The following DHTKD1 variants were observed in gnomAD, a reference collection of about 807,000 sequenced individuals.
The protein encoded by DHTKD1 is 2-oxoadipate dehydrogenase complex component E1.
A neutral mutation model predicts 101.8 loss-of-function variants in DHTKD1; 78 were observed. The observed-to-expected ratio is 0.77, with a 90% CI of 0.64 to 0.93. DHTKD1 has a LOEUF of 0.93. DHTKD1 is among the 40% of genes least tolerant of loss of function. DHTKD1 has a pLI of 0.00. For missense variants in DHTKD1, 1,223 were observed against 1,161.7 expected, an observed-to-expected ratio of 1.05 and a Z score of -0.77; for synonymous variants, 462 against 450.3, an observed-to-expected ratio of 1.03 and a Z score of -0.33.
At position 12,107,217 on chromosome 10, in the gene DHTKD1, A is replaced by C. The variant is rs1833263776; in HGVS notation, c.2048-692A>C. On this transcript the variant is annotated intron_variant, in intron 11 of 16. Coordinates refer to ENST00000263035, the MANE Select transcript of DHTKD1 (RefSeq NM_018706.7). This position sits in a 1 kb window ranked among gnomAD's most constrained non-coding sequence, Gnocchi z 4.1. ...CAGCCGGGATGGTCTCGTTCTCCTG[A>C]CCTCATGATCCACCCACCTCAGCCT... Among the ~76,000 whole-genome samples the C allele has an allele frequency of 6.6e-6, 1 of 151,210 alleles. No homozygotes were observed. The highest frequency in any genetic ancestry group is 1.5e-5 in the Non-Finnish European group (1 of 67,838).
intron 15 of DHTKD1, among the ~76,000 whole-genome samples, chr10:12,119,627 A>AT (rs1316885207): frequency 6.6e-6 from 1 of 151,648 alleles, no homozygotes; most frequent in East Asian, 1.9e-4. Context: ...AAAAAAAAAA[A>AT]AAAAAAAAGA....
intron 1 of DHTKD1, among the ~76,000 whole-genome samples, chr10:12,079,134 G>T (rs72779604): frequency 0.079 from 12,002 of 152,138 alleles, 614 homozygotes; most frequent in Non-Finnish European, 0.12. Context: ...TCTCACCCAG[G>T]CTAGAGTGCA....
intron 13 of DHTKD1, among the ~76,000 whole-genome samples, chr10:12,113,691 C>G (rs972099149): frequency 4.6e-5 from 7 of 152,050 alleles, no homozygotes; most frequent in Middle Eastern, 3.2e-3. Flanking sequence ...TTTGGGAGGC[C>G]TAGGCAAGAG....
intron 1 of DHTKD1, among the ~76,000 whole-genome samples, chr10:12,074,158 A>G (rs941867628): frequency 6.7e-6 from 1 of 149,766 alleles, no homozygotes; most frequent in Non-Finnish European, 1.5e-5. Context: ...TTCTGCAGTA[A>G]TAGAAAGTTT....
chr10:12,070,378 C>T (rs375374844), intron 1 of DHTKD1, among the ~76,000 whole-genome samples: 5 of 152,194 alleles, frequency 3.3e-5, no homozygotes, highest in Non-Finnish European at 7.3e-5. Flanking sequence ...AGATCCCCTT[C>T]GGCATCTGGG....
rs778888132 is a variant in DHTKD1, at chr10:12,081,512, G to T, written c.195G>T (p.Glu65Asp). Reference sequence around the variant, plus strand: ...CCAGGTTGGTGACAGTATATTGTGAGCATGGTCATAAAGCTGCCAAAATCA... The same window carrying T: ...CCAGGTTGGTGACAGTATATTGTGATCATGGTCATAAAGCTGCCAAAATCA... ...GLARLVTVYC[E>D]HGHKAAKINP... is the part of the protein sequence containing the mutation. Residue 65 changes from glutamate to aspartate, a missense_variant, in exon 2 of 17, where the codon GAG becomes GAT. Glu to Asp is a conservative substitution (Grantham distance 45). Transcript: ENST00000263035. 9 of 1,613,968 alleles carry T rather than the reference G, an allele frequency of 5.6e-6. No individual in the cohort carries two copies. In the East Asian group the frequency reaches 2.0e-4, roughly 36 times the overall value.
At chr10:12,076,720 G>A (rs183329333) in intron 1 of DHTKD1, among the ~76,000 whole-genome samples, 1 of 151,664 alleles carries the variant, frequency 6.6e-6, no homozygotes, top group East Asian at 2.0e-4. Context: ...GCGCGGTGAC[G>A]CGATCTCAGC....
At chr10:12,119,624 AAAAAAAAAAAAG>A (rs1457397568) in intron 15 of DHTKD1, among the ~76,000 whole-genome samples, 5 of 151,556 alleles carry the variant, frequency 3.3e-5, no homozygotes, top group Non-Finnish European at 5.9e-5. Context: ...TCAAAAAAAA[AAAAAAAAAAAAG>A]AAAGAAAATT....
At chr10:12,104,473 C>T (rs1252607829) in intron 10 of DHTKD1, among the ~76,000 whole-genome samples, 2 of 152,140 alleles carry the variant, frequency 1.3e-5, no homozygotes, top group African/African-American at 4.8e-5. Flanking sequence ...CACACTCTGC[C>T]CGTCCTTCCT....
intron 14 of DHTKD1, among the ~76,000 whole-genome samples, chr10:12,118,153 G>A (rs1237212251): frequency 6.6e-6 from 1 of 152,008 alleles, no homozygotes; most frequent in Non-Finnish European, 1.5e-5. Flanking sequence ...GCCTCTGAAA[G>A]TGCTGGGATT....
At chr10:12,120,474 C>T (rs1588621763) in intron 16 of DHTKD1, 2 of 525,044 alleles carry the variant, frequency 3.8e-6, no homozygotes, top group South Asian at 4.2e-5. Flanking sequence ...GCTGGGACTA[C>T]AGGCGCCCGC....
chr10:12,085,901 ACT>A (rs1262507055), intron 3 of DHTKD1, among the ~76,000 whole-genome samples: 1 of 151,956 alleles, frequency 6.6e-6, no homozygotes, highest in African/African-American at 2.4e-5. Context: ...ACAGAGCAAG[ACT>A]CTGTCCAAAA....
Position 12,122,759 on chromosome 10 carries a change from G to A in DHTKD1, c.*1871G>A, listed in dbSNP as rs1261596931. The A allele has an allele frequency of 3.9e-5, 6 of 152,188 alleles. No homozygotes were observed. Among genetic ancestry groups the A allele is most frequent in the African/African-American group, 1.4e-4 (6 of 41,442 alleles). 9.4% of individuals were successfully genotyped at this position (152,188 alleles called of 1,614,324 possible). A position where few individuals can be genotyped will look rare whatever the true frequency, so the allele number is the denominator to read the frequency against. On this transcript the variant is annotated 3_prime_UTR_variant, in exon 17 of 17. Coordinates refer to ENST00000263035, the MANE Select transcript of DHTKD1 (RefSeq NM_018706.7). Reference sequence around the variant, plus strand: ...CTCCCTCACTGTGAAATTAAACCAAGTACTGGAAACGTAACTAAACAGCGA... The same window carrying A: ...CTCCCTCACTGTGAAATTAAACCAAATACTGGAAACGTAACTAAACAGCGA...
At position 12,119,958 on chromosome 10, in the gene DHTKD1, A is replaced by C. The variant is rs111802363; in HGVS notation, c.2573-224A>C. Among the ~76,000 whole-genome samples the C allele has an allele frequency of 3.9e-5, 6 of 152,314 alleles. 1 individual carries two copies. Among genetic ancestry groups the C allele is most frequent in the African/African-American group, 1.2e-4 (5 of 41,576 alleles). ...AATCATTTAACACAAAATCTATTAC[A>C]TTTCATAATGAAGTGTTGAATATCT... On this transcript the variant is annotated intron_variant, in intron 15 of 16. Coordinates refer to ENST00000263035, the MANE Select transcript of DHTKD1 (RefSeq NM_018706.7).
intron 13 of DHTKD1, 25 bp from the exon 14 acceptor site, chr10:12,117,647 GA>G: frequency 7.1e-7 from 1 of 1,399,572 alleles, no homozygotes; most frequent in Non-Finnish European, 1.0e-6. Flanking sequence ...TTGCTTGCTG[GA>G]TGTGTGGCCT....
Position 12,103,574 on chromosome 10 carries a change from A to G in DHTKD1, c.1896+2393A>G, listed in dbSNP as rs918723109. Among the ~76,000 whole-genome samples, 4 of 151,458 alleles carry G rather than the reference A, an allele frequency of 2.6e-5. No individual in the cohort carries two copies. The highest frequency in any genetic ancestry group is 1.9e-4 in the East Asian group (1 of 5,138). The stretch of plus-strand genomic sequence containing the variant: ...TCTGTTGCCTAGGCTGGAGTCCCAC[A>G]GTGCAATTATAGCTCACTGTAGCCT... On this transcript the variant is annotated intron_variant, in intron 10 of 16. Coordinates refer to ENST00000263035, the MANE Select transcript of DHTKD1 (RefSeq NM_018706.7). This position sits in a 1 kb window ranked among gnomAD's most constrained non-coding sequence, Gnocchi z 4.8.
intron 13 of DHTKD1, among the ~76,000 whole-genome samples, chr10:12,115,527 C>G (rs557672072): frequency 6.6e-6 from 1 of 151,022 alleles, no homozygotes; most frequent in East Asian, 1.9e-4. Context: ...CTTGACTCAC[C>G]CTAGCCTGGC....
chr10:12,078,380 G>A (rs538218633), intron 1 of DHTKD1, among the ~76,000 whole-genome samples: 5 of 152,012 alleles, frequency 3.3e-5, no homozygotes, highest in Admixed American at 6.6e-5. Flanking sequence ...AGCCATGATC[G>A]TGCCGCTGCA....
In DHTKD1 at chr10:12,097,771, C is replaced by T. The variant is rs368499865; in HGVS notation, c.1446C>T (p.Ser482=). The change falls in exon 8 of 17, where the codon TCC becomes TCT. Residue 482 remains serine, a synonymous_variant. Transcript: ENST00000263035. The part of the protein sequence containing the change: ...MTQEEVSEIK[S]SYYAKLNDHL... The stretch of plus-strand genomic sequence containing the variant: ...AGGAGGAGGTGTCTGAAATAAAATC[C>T]TCCTACTATGCCAAGTTGAATGATC... The T allele has an allele frequency of 6.2e-7, 1 of 1,614,182 alleles. No individual in the cohort carries two copies. The highest frequency in any genetic ancestry group is 8.5e-7 in the Non-Finnish European group (1 of 1,180,022).
Sources: gnomAD v4.1 joint callset for allele counts (sites outside exome capture counted in the v4.1 genomes callset) on GRCh38, gnomAD v4.1.1 for gene constraint, Gnocchi (gnomAD v3.1) non-coding constraint, MANE v1.5 for transcripts, NCBI Gene and HGNC (gene_info 2026-07-23, HGNC 2026-07-21) for gene names.